TMEM132B: variants seen among roughly 807,000 people sequenced by gnomAD.
The protein encoded by TMEM132B is transmembrane protein 132B.
Under a neutral mutation model 90.8 loss-of-function variants are expected in TMEM132B, and 18 were observed. That is an observed-to-expected ratio of 0.20 (90% confidence interval 0.14 to 0.29). The LOEUF (loss-of-function observed/expected upper bound fraction) is 0.29. Among genes scored for constraint, TMEM132B ranks in the 10% least tolerant of loss-of-function variants. TMEM132B has a pLI of 1.00. For missense variants in TMEM132B, 1,096 were observed against 1,326.8 expected, an observed-to-expected ratio of 0.83 and a Z score of 2.70; for synonymous variants, 504 against 523.3, an observed-to-expected ratio of 0.96 and a Z score of 0.50.
intron 1 of TMEM132B, among the ~76,000 whole-genome samples, chr12:125,319,801 G>A (rs1412327131): frequency 6.6e-6 from 1 of 151,968 alleles, no homozygotes; most frequent in Non-Finnish European, 1.5e-5. Flanking sequence ...GATCAGTTGA[G>A]CCCAGGAGTT....
At chr12:125,229,739 T>A (rs1412589278) in intron 1 of TMEM132B, among the ~76,000 whole-genome samples, 1 of 152,266 alleles carries the variant, frequency 6.6e-6, no homozygotes, top group African/African-American at 2.4e-5. Flanking sequence ...CTGGCTTTGC[T>A]GGCTTCTGTT....
At chr12:125,628,156 G>A (rs111521332) in intron 5 of TMEM132B, among the ~76,000 whole-genome samples, 3,145 of 152,236 alleles carry the variant, frequency 0.021, 50 homozygotes, top group Non-Finnish European at 0.034. Context: ...TTTCTTTTGG[G>A]TATATATCTA....
chr12:125,431,298 G>T (rs1351832609), intron 3 of TMEM132B, among the ~76,000 whole-genome samples: 2 of 152,010 alleles, frequency 1.3e-5, no homozygotes, highest in African/African-American at 2.4e-5. Flanking sequence ...TGTTGCCTTG[G>T]TAATGGGGGG....
intron 3 of TMEM132B, among the ~76,000 whole-genome samples, chr12:125,421,044 C>T (rs1401431342): frequency 6.6e-6 from 1 of 152,222 alleles, no homozygotes; most frequent in Non-Finnish European, 1.5e-5. Flanking sequence ...TTAACTTGGA[C>T]TTCATTGTCC....
intron 3 of TMEM132B, among the ~76,000 whole-genome samples, chr12:125,419,569 A>G (rs767051787): frequency 6.6e-6 from 1 of 152,170 alleles, no homozygotes; most frequent in Non-Finnish European, 1.5e-5. Flanking sequence ...CATGTGGAAA[A>G]TATGGGAGCT....
chr12:125,596,080 G>T (rs77230880), intron 5 of TMEM132B, among the ~76,000 whole-genome samples: 1 of 152,062 alleles, frequency 6.6e-6, no homozygotes, highest in Non-Finnish European at 1.5e-5. Context: ...AGAGTTACTT[G>T]TACTAACAGA....
chr12:125,476,923 C>T (rs1030812498), intron 3 of TMEM132B, among the ~76,000 whole-genome samples: 2 of 152,106 alleles, frequency 1.3e-5, no homozygotes, highest in Non-Finnish European at 2.9e-5. Context: ...GATAAGGCTT[C>T]AGTGGTGGGC....
intron 1 of TMEM132B, among the ~76,000 whole-genome samples, chr12:125,289,433 C>T (rs553855540): frequency 6.6e-6 from 1 of 152,280 alleles, no homozygotes; most frequent in Admixed American, 6.5e-5. Flanking sequence ...AACTGAGGCT[C>T]AGGGAGTACA....
At chr12:125,235,296 T>C (rs531943161) in intron 1 of TMEM132B, among the ~76,000 whole-genome samples, 1 of 152,302 alleles carries the variant, frequency 6.6e-6, no homozygotes, top group East Asian at 1.9e-4. Context: ...AAATTATGAT[T>C]TGGAACCTCC....
intron 4 of TMEM132B, among the ~76,000 whole-genome samples, chr12:125,533,703 C>T (rs796928423): frequency 3.3e-4 from 51 of 152,288 alleles, no homozygotes; most frequent in African/African-American, 1.1e-3. Context: ...GGAGCCCCTG[C>T]CCGGCCTGAC....
chr12:125,233,664 A>G (rs1330091726), intron 1 of TMEM132B, among the ~76,000 whole-genome samples: 1 of 152,214 alleles, frequency 6.6e-6, no homozygotes, highest in Non-Finnish European at 1.5e-5. Flanking sequence ...TAGGCAATTG[A>G]AAATATCTTC....
intron 3 of TMEM132B, among the ~76,000 whole-genome samples, chr12:125,423,801 T>A (rs7311338): frequency 0.13 from 19,443 of 152,244 alleles, 1,300 homozygotes; most frequent in African/African-American, 0.14. Flanking sequence ...AATATGTTAT[T>A]TCTGTGCATA....
chr12:125,335,459 C>T (rs556246265), intron 1 of TMEM132B, among the ~76,000 whole-genome samples: 53 of 152,304 alleles, frequency 3.5e-4, no homozygotes, highest in Non-Finnish European at 5.6e-4. Flanking sequence ...AGGCATCCCC[C>T]TGGCCACAGT....
chr12:125,261,544 A>G (rs981443193), intron 1 of TMEM132B, among the ~76,000 whole-genome samples: 3 of 152,198 alleles, frequency 2.0e-5, no homozygotes, highest in Non-Finnish European at 4.4e-5. Context: ...CATATTTCCT[A>G]TACCCCAAAT....
chr12:125,650,726 G>A lies in TMEM132B; in HGVS notation c.1687G>A (p.Gly563Arg). 6.2e-7 allele frequency: 1 copy of A among 1,613,438 alleles called. No individual in the cohort carries two copies. Among genetic ancestry groups the A allele is most frequent in the East Asian group, 2.2e-5 (1 of 44,838 alleles). Residue 563 changes from glycine (G) to arginine (R), a missense_variant, in exon 7 of 9, where the codon GGA becomes AGA. By Grantham distance (125) the Gly-to-Arg change is moderately radical. Transcript: ENST00000682704. The stretch of plus-strand genomic sequence containing the variant: ...TGACGAGGACGATGAGGAGAAGAAG[G>A]GACGAGGCTGCTCCCTGCAGTACCA... ...SDDEDDEEKK[G>R]RGCSLQYQHA...
At chr12:125,453,341 CG>C in intron 3 of TMEM132B, among the ~76,000 whole-genome samples, 1 of 152,080 alleles carries the variant, frequency 6.6e-6, no homozygotes, top group South Asian at 2.1e-4. Flanking sequence ...GGAATGGTGA[CG>C]GATGCTGGGC....
chr12:125,198,962 GGACGA>G (rs1872988295), intron 1 of TMEM132B, among the ~76,000 whole-genome samples: 1 of 152,228 alleles, frequency 6.6e-6, no homozygotes. Flanking sequence ...CTTTGGTTGA[GGACGA>G]ATACTTGGAA....
chr12:125,556,700 C>T (rs1399626169), intron 4 of TMEM132B, among the ~76,000 whole-genome samples: 3 of 152,176 alleles, frequency 2.0e-5, no homozygotes, highest in Non-Finnish European at 4.4e-5. Flanking sequence ...TTGGCCTTTG[C>T]CTCATATGTG....
chr12:125,283,589 C>T (rs1019173209), intron 1 of TMEM132B, among the ~76,000 whole-genome samples: 4 of 152,110 alleles, frequency 2.6e-5, no homozygotes, highest in South Asian at 2.1e-4. Context: ...TGTAATGAAG[C>T]GTTGATAGGG....
Sources: gnomAD v4.1 joint callset for allele counts (sites outside exome capture counted in the v4.1 genomes callset) on GRCh38, gnomAD v4.1.1 for gene constraint, MANE v1.5 for transcripts, NCBI Gene and HGNC (gene_info 2026-07-23, HGNC 2026-07-21) for gene names.